The following SEMA3A variants were observed in gnomAD, a reference collection of about 807,000 sequenced individuals.
SEMA3A encodes semaphorin 3A, also known as semaphorin-3A.
SEMA3A carries 29 observed loss-of-function variants against 97.9 expected under a neutral mutation model. The observed-to-expected ratio is 0.30, with a 90% CI of 0.22 to 0.40. SEMA3A has a LOEUF of 0.40. Among genes scored for constraint, SEMA3A ranks in the 10% least tolerant of loss-of-function variants. The probability of loss-of-function intolerance (pLI) is 1.00; values close to 1 mark genes in which losing one functional copy is unlikely to be tolerated. For synonymous variants in SEMA3A, 321 were observed against 323.7 expected (o/e 0.99, Z 0.09); for missense variants, 763 against 951.3 (o/e 0.80, Z 2.60).
intron 3 of SEMA3A, among the ~76,000 whole-genome samples, chr7:84,280,307 TCA>T (rs1351621197): frequency 6.6e-6 from 1 of 152,170 alleles, no homozygotes; most frequent in African/African-American, 2.4e-5. Flanking sequence ...TTAGCACAAA[TCA>T]CAGTGTCTCC....
chr7:84,229,558 T>C (rs1799069636), intron 3 of SEMA3A, among the ~76,000 whole-genome samples: 1 of 152,152 alleles, frequency 6.6e-6, no homozygotes, highest in Non-Finnish European at 1.5e-5. Flanking sequence ...GGGACTACCA[T>C]AATGAAATCT....
chr7:84,316,599 TAGATAG>T (rs1174901772), intron 2 of SEMA3A, among the ~76,000 whole-genome samples: 4 of 151,452 alleles, frequency 2.6e-5, no homozygotes, highest in African/African-American at 7.3e-5. Context: ...ATTAAGAGAG[TAGATAG>T]AGATAGAAAG....
chr7:84,402,586 C>T (rs1459475353), intron 1 of SEMA3A, among the ~76,000 whole-genome samples: 3 of 152,156 alleles, frequency 2.0e-5, no homozygotes, highest in African/African-American at 4.8e-5. Flanking sequence ...GATACGGAAT[C>T]GACCTAAGTG....
At chr7:84,322,574 T>C (rs1004516372) in intron 2 of SEMA3A, among the ~76,000 whole-genome samples, 2 of 152,070 alleles carry the variant, frequency 1.3e-5, no homozygotes, top group African/African-American at 4.8e-5. Context: ...GCACAAGCTC[T>C]CTCTCTTGCC....
At chr7:84,089,746 T>G (rs1794504806) in intron 4 of SEMA3A, among the ~76,000 whole-genome samples, 1 of 152,046 alleles carries the variant, frequency 6.6e-6, no homozygotes, top group Admixed American at 6.6e-5. Flanking sequence ...ATTTGGTAAA[T>G]ATATGTATAC....
chr7:84,425,931 A>T (rs1204078005), intron 1 of SEMA3A, among the ~76,000 whole-genome samples: 1 of 151,602 alleles, frequency 6.6e-6, no homozygotes, highest in African/African-American at 2.4e-5. Flanking sequence ...TTTTGCAGCA[A>T]CTAGGATGGA....
chr7:84,449,667 G>A (rs901055728), intron 1 of SEMA3A, among the ~76,000 whole-genome samples: 13 of 151,958 alleles, frequency 8.6e-5, no homozygotes, highest in East Asian at 3.9e-4. Context: ...TCAAATATAC[G>A]TTGAGTATAT....
At chr7:83,972,023 C>CTATATATGTA (rs1788938525) in intron 15 of SEMA3A, among the ~76,000 whole-genome samples, 1 of 150,714 alleles carries the variant, frequency 6.6e-6, no homozygotes, top group Non-Finnish European at 1.5e-5. Flanking sequence ...ACGTGTGTGT[C>CTATATATGTA]TATATATGTG....
chr7:84,290,592 C>T (rs1440126861), intron 3 of SEMA3A, among the ~76,000 whole-genome samples: 1 of 152,084 alleles, frequency 6.6e-6, no homozygotes, highest in African/African-American at 2.4e-5. Flanking sequence ...ACACCCACAA[C>T]TCCCGTGGCA....
chr7:84,431,130 T>C (rs750289425), intron 1 of SEMA3A, among the ~76,000 whole-genome samples: 1 of 152,038 alleles, frequency 6.6e-6, no homozygotes, highest in Non-Finnish European at 1.5e-5. Context: ...TGATTGCTAC[T>C]ATGTGCAGCT....
chr7:84,148,025 T>A (rs564862310), intron 1 of SEMA3A, among the ~76,000 whole-genome samples: 68 of 151,010 alleles, frequency 4.5e-4, no homozygotes, highest in African/African-American at 1.7e-3. Context: ...TTCTCATGCC[T>A]CGGCCTCCTG....
chr7:84,049,703 T>C (rs1439660531), intron 5 of SEMA3A, among the ~76,000 whole-genome samples: 1 of 152,058 alleles, frequency 6.6e-6, no homozygotes, highest in Non-Finnish European at 1.5e-5. Flanking sequence ...TTGATTCTTT[T>C]TTTTTTCATT....
At chr7:84,282,339 T>C (rs775204295) in intron 3 of SEMA3A, among the ~76,000 whole-genome samples, 1 of 152,206 alleles carries the variant, frequency 6.6e-6, no homozygotes, top group African/African-American at 2.4e-5. Flanking sequence ...CAATTATTTA[T>C]TCAACTTCCA....
intron 6 of SEMA3A, among the ~76,000 whole-genome samples, chr7:84,044,354 T>C (rs1792264919): frequency 6.6e-6 from 1 of 152,050 alleles, no homozygotes; most frequent in Admixed American, 6.6e-5. Context: ...CCAGGTACCA[T>C]GAGACCCCGT....
rs536371243 is a variant in SEMA3A at position 84,068,189 on chromosome 7, C to T, written c.454-7631G>A. Among the ~76,000 whole-genome samples the T allele has an allele frequency of 4.2e-4, 60 of 143,620 alleles. No individual in the cohort carries two copies. In the South Asian group the frequency reaches 6.2e-3, roughly 15 times the overall value. 94.2% of individuals were successfully genotyped at this position (143,620 alleles called of 152,430 possible). A position where few individuals can be genotyped will look rare whatever the true frequency, so the allele number is the denominator to read the frequency against. ...ATCGCAAGAACAAAAAACCAAACAC[C>T]GCATATTCTCACTCATAGGTGGGAA... On this transcript the variant is annotated intron_variant, in intron 4 of 16. Coordinates refer to ENST00000265362, the MANE Select transcript of SEMA3A (RefSeq NM_006080.3).
At chr7:84,150,657 T>G (rs941012355) in intron 1 of SEMA3A, among the ~76,000 whole-genome samples, 5 of 151,806 alleles carry the variant, frequency 3.3e-5, no homozygotes, top group East Asian at 1.9e-4. Context: ...GCAGTGAGGA[T>G]GGGGGAGGGG....
intron 2 of SEMA3A, among the ~76,000 whole-genome samples, chr7:84,356,251 C>G (rs1206461302): frequency 2.0e-5 from 3 of 151,694 alleles, no homozygotes; most frequent in Non-Finnish European, 4.4e-5. Flanking sequence ...ATGCAACACA[C>G]TGATTTTAAT....
At chr7:84,213,124 T>G (rs921506941) in intron 3 of SEMA3A, among the ~76,000 whole-genome samples, 1 of 152,124 alleles carries the variant, frequency 6.6e-6, no homozygotes. Flanking sequence ...ATTACAGGCA[T>G]GTGCCACCAT....
At chr7:84,227,783 C>CA (rs1283777496) in intron 3 of SEMA3A, among the ~76,000 whole-genome samples, 2 of 152,018 alleles carry the variant, frequency 1.3e-5, no homozygotes, top group Non-Finnish European at 2.9e-5. Context: ...ACCAGACTAT[C>CA]ACAGAAACTA....
Sources: allele counts gnomAD v4.1 joint callset (sites outside exome capture counted in the v4.1 genomes callset), GRCh38; gene constraint gnomAD v4.1.1; transcripts MANE v1.5; gene names NCBI Gene and HGNC (gene_info 2026-07-23, HGNC 2026-07-21).